FUS: variants seen among roughly 807,000 people sequenced by gnomAD.
The protein encoded by FUS is FUS RNA binding protein, also known as RNA-binding protein FUS.
FUS carries 5 observed loss-of-function variants against 82.7 expected under a neutral mutation model. That is an observed-to-expected ratio of 0.06 (90% CI 0.03 to 0.13). The LOEUF (loss-of-function observed/expected upper bound fraction) is 0.13, where lower values mean the gene tolerates loss of function less well. FUS is among the 10% of genes least tolerant of loss of function. The pLI is 1.00. For synonymous variants in FUS, 281 were observed against 247.4 expected, an observed-to-expected ratio of 1.14 and a Z score of -1.27; for missense variants, 512 against 707.8, an observed-to-expected ratio of 0.72 and a Z score of 3.14.
At chr16:31,193,368 G>T (rs1596918915), downstream of FUS, 1 of 525,528 alleles carries the variant, frequency 1.9e-6, no homozygotes, top group Admixed American at 2.2e-5. Context: ...AGAGGATGTG[G>T]CAGTTCTCTC....
At chr16:31,192,383 G>T (rs1169537433), downstream of FUS, 1 of 523,806 alleles carries the variant, frequency 1.9e-6, no homozygotes, top group Non-Finnish European at 3.7e-6. Context: ...GCACGTACCT[G>T]CCAACCAGTT....
At chr16:31,185,724 A>G in intron 6 of FUS, 1 of 390,932 alleles carries the variant, frequency 2.6e-6, no homozygotes, top group South Asian at 2.1e-5. Flanking sequence ...TTATGGGGCC[A>G]GCTGACTGAA....
chr16:31,190,904 G>C, intron 13 of FUS, 59 bp from the exon 14 acceptor site: 1 of 1,612,638 alleles, frequency 6.2e-7, no homozygotes, highest in Non-Finnish European at 8.5e-7. Flanking sequence ...TTTTCAGCGG[G>C]GAGGCTCGGG....
At chr16:31,183,564 A>G (rs1175714548) in intron 3 of FUS, 1 of 441,926 alleles carries the variant, frequency 2.3e-6, no homozygotes, top group African/African-American at 2.0e-5. Context: ...GCACAGCTGC[A>G]TATTACAGTG....
chr16:31,192,726 A>G, downstream of FUS: 1 of 481,294 alleles, frequency 2.1e-6, no homozygotes, highest in Non-Finnish European at 4.1e-6. Context: ...GTGGGCCACC[A>G]TGCCCACCTA....
At chr16:31,193,490 G>A (rs1329323188), downstream of FUS, 1 of 528,928 alleles carries the variant, frequency 1.9e-6, no homozygotes, top group East Asian at 4.0e-5. Context: ...ATCTTGCTTT[G>A]GTTGTGGTCC....
chr16:31,194,365 T>C (rs1219175350), downstream of FUS: 2 of 517,922 alleles, frequency 3.9e-6, no homozygotes, highest in African/African-American at 1.9e-5. Flanking sequence ...CTCGACCAAC[T>C]GCAACCTCTG....
downstream of FUS, chr16:31,193,674 G>T (rs1596919501): frequency 1.9e-6 from 1 of 532,248 alleles, no homozygotes; most frequent in East Asian, 3.9e-5. Flanking sequence ...AGTTTGGGGG[G>T]ATCTTCCAGG....
At chr16:31,194,295 T>A (rs1041697424), downstream of FUS, 45 of 277,270 alleles carry the variant, frequency 1.6e-4, no homozygotes, top group East Asian at 1.1e-3. Context: ...CCTTTTTAAA[T>A]TTTTTTTTTT....
Position 31,190,858 on chromosome 16 carries a change from C to G in FUS, c.1393+16C>G, listed in dbSNP as rs1339247275. The G allele has an allele frequency of 6.8e-6, 11 of 1,613,556 alleles. No homozygotes were observed. The highest frequency in any genetic ancestry group is 1.3e-5 in the African/African-American group (1 of 74,928). On this transcript the variant is annotated intron_variant, in intron 13 of 14. Transcript: ENST00000254108. ...TCTCACATGGGTAAGAAAGGCAGAC[C>G]TGGTGCTAGGGAGCTGGGACCAAAG...
rs558396392 is a variant in FUS at position 31,191,260 on chromosome 16, CAG to C, written c.1542-138_1542-137del. ...AGTGGAGAGGGAAGGAAAATTAACT[CAG>C]GGGGAGTGAATCTGTAGACCCACTT... On this transcript the variant is annotated intron_variant, in intron 14 of 14. Transcript: ENST00000254108. The C allele has an allele frequency of 6.4e-4, 934 of 1,468,322 alleles. 4 individuals are homozygous for C. Among genetic ancestry groups the C allele is most frequent in the African/African-American group, 1.4e-3 (97 of 71,672 alleles). The allele number at this position is 1,468,322 out of a possible 1,614,324, so 91.0% of individuals were successfully genotyped here.
chr16:31,188,517 C>T (rs949046880), intron 8 of FUS, 160 bp downstream of exon 8: 30 of 796,310 alleles, frequency 3.8e-5, no homozygotes, highest in Middle Eastern at 3.3e-4. Flanking sequence ...GTATTTGTTA[C>T]GAAGTATTTC....
downstream of FUS, chr16:31,194,778 T>G (rs1303482593): frequency 1.7e-5 from 8 of 481,718 alleles, no homozygotes; most frequent in South Asian, 1.2e-4. Flanking sequence ...TTATGTTATT[T>G]CAGCCCTTTT....
chr16:31,194,704 CCAT>C (rs2079401653), downstream of FUS: 1 of 486,456 alleles, frequency 2.1e-6, no homozygotes, highest in South Asian at 1.5e-5. Context: ...GCTAATATAT[CCAT>C]CACTTCATAT....
In FUS at chr16:31,191,558, T is replaced by C. The variant is rs1488347259; in HGVS notation, c.*120T>C. Reference sequence around the variant, plus strand: ...GGTTTTTTTGTGTCGGACTATGTAATTGTAACTATACCTCTGGTTCCCATT... The same window carrying C: ...GGTTTTTTTGTGTCGGACTATGTAACTGTAACTATACCTCTGGTTCCCATT... On this transcript the variant is annotated 3_prime_UTR_variant, in exon 15 of 15. Coordinates refer to ENST00000254108, the MANE Select transcript of FUS (RefSeq NM_004960.4). 1 of 1,057,292 alleles carries C rather than the reference T, an allele frequency of 9.5e-7. No homozygotes were observed. 65.5% of individuals were successfully genotyped at this position (1,057,292 alleles called of 1,614,324 possible). A position where few individuals can be genotyped will look rare whatever the true frequency, so the allele number is the denominator to read the frequency against.
At chr16:31,182,908 G>T (rs895971596) in intron 3 of FUS, 2 of 483,796 alleles carry the variant, frequency 4.1e-6, no homozygotes, top group Non-Finnish European at 7.6e-6. Context: ...TAGAGATGGG[G>T]TTTCACCGTG....
intron 1 of FUS, 22 bp from the exon 2 acceptor site, chr16:31,182,376 T>A: frequency 6.2e-7 from 1 of 1,613,642 alleles, no homozygotes; most frequent in Non-Finnish European, 8.5e-7. Context: ...GAAGATAATG[T>A]GATTGTATTT....
chr16:31,181,927 G>C (rs190051164), intron 1 of FUS, among the ~76,000 whole-genome samples: 1 of 152,142 alleles, frequency 6.6e-6, no homozygotes, highest in Non-Finnish European at 1.5e-5. Context: ...ACACTTGGCT[G>C]ATAACGCCAG....
In FUS at chr16:31,190,296, A is replaced by G. The variant is rs752942147; in HGVS notation, c.1190A>G (p.Tyr397Cys). 9.9e-6 allele frequency: 16 copies of G among 1,613,952 alleles called. No individual in the cohort carries two copies. Among genetic ancestry groups the G allele is most frequent in the Middle Eastern group, 1.6e-4 (1 of 6,084 alleles). ...GRGGPMGRGG[Y>C]GGGGSGGGGR... ...TTAGGACCCATGGGCCGTGGAGGCT[A>G]TGGAGGTGGTGGCAGTGGTGGTGGT... The change falls in exon 12 of 15, where the codon TAT becomes TGT. Residue 397 changes from tyrosine (Y) to cysteine (C), a missense_variant. Tyr to Cys is a radical substitution (Grantham distance 194). Transcript: ENST00000254108.
Sources: allele counts gnomAD v4.1 joint callset (sites outside exome capture counted in the v4.1 genomes callset), GRCh38; gene constraint gnomAD v4.1.1; transcripts MANE v1.5; gene names NCBI Gene and HGNC (gene_info 2026-07-23, HGNC 2026-07-21).